Variants in BCAS3 observed in about 807,000 individuals in gnomAD.
The protein encoded by BCAS3 is BCAS4/BCAS3 fusion.
BCAS3 carries 53 observed loss-of-function variants against 116.1 expected under a neutral mutation model. The ratio of observed to expected loss-of-function variants is 0.46; its 90% CI spans 0.37 to 0.57. The LOEUF (loss-of-function observed/expected upper bound fraction) is 0.57, where lower values mean the gene tolerates loss of function less well. Ranked by LOEUF, BCAS3 falls within the 20% of genes least tolerant of loss-of-function variation. The pLI is 0.00. For missense variants in BCAS3, 917 were observed against 1,165.4 expected, an observed-to-expected ratio of 0.79 and a Z score of 3.10; for synonymous variants, 391 against 408.2, an observed-to-expected ratio of 0.96 and a Z score of 0.51.
intron 22 of BCAS3, among the ~76,000 whole-genome samples, chr17:61,195,467 C>T (rs1178908471): frequency 6.6e-6 from 1 of 152,286 alleles, no homozygotes; most frequent in Admixed American, 6.5e-5. Context: ...TCAGGTGATC[C>T]TCCTACCTCA....
chr17:61,073,934 T>A lies in BCAS3; in HGVS notation c.2030-986T>A, dbSNP rs996283618. Among the ~76,000 whole-genome samples the A allele has an allele frequency of 1.3e-5, 2 of 151,816 alleles. No homozygotes were observed. The highest frequency in any genetic ancestry group is 4.8e-5 in the African/African-American group (2 of 41,338). On this transcript the variant is annotated intron_variant, in intron 19 of 23. Coordinates refer to ENST00000407086, the MANE Select transcript of BCAS3 (RefSeq NM_017679.5). This position sits in a 1 kb window ranked among gnomAD's most constrained non-coding sequence, Gnocchi z 4.6. ...CACCAGCCTGGTCAACATTGTGAGATCCTGTCTCTACAAGGAAGAAAATAT... is the reference window on the plus strand; with the variant it reads ...CACCAGCCTGGTCAACATTGTGAGAACCTGTCTCTACAAGGAAGAAAATAT...
intron 5 of BCAS3, among the ~76,000 whole-genome samples, chr17:60,719,445 A>G (rs1372430081): frequency 2.6e-5 from 4 of 152,250 alleles, no homozygotes; most frequent in Non-Finnish European, 5.9e-5. Flanking sequence ...CACTATCATC[A>G]AGACATCCAG....
At chr17:60,872,801 C>A (rs1233936185) in intron 8 of BCAS3, among the ~76,000 whole-genome samples, 1 of 151,122 alleles carries the variant, frequency 6.6e-6, no homozygotes, top group Non-Finnish European at 1.5e-5. Flanking sequence ...ATGTGTATAT[C>A]TGTATGTATA....
chr17:61,019,138 C>T lies in BCAS3; in HGVS notation c.1637+3237C>T, dbSNP rs975692639. 4.6e-5 allele frequency among the ~76,000 whole-genome samples: 7 copies of T among 152,180 alleles called. No homozygotes were observed. Among genetic ancestry groups the T allele is most frequent in the African/African-American group, 1.7e-4 (7 of 41,448 alleles). On this transcript the variant is annotated intron_variant, in intron 16 of 23. Coordinates refer to ENST00000407086, the MANE Select transcript of BCAS3 (RefSeq NM_017679.5). The surrounding 1 kb of genome is among the most constrained non-coding windows in gnomAD (Gnocchi z 5.6). ...CTGGCCTGTTAGGAACTGAGCCGCA[C>T]AGCAGGAGGTGAACAACAGGCGAGT...
rs574627503 is a variant in BCAS3 at position 60,726,634 on chromosome 17, C to T, written c.321+17309C>T. Among the ~76,000 whole-genome samples the T allele has an allele frequency of 4.6e-5, 7 of 152,142 alleles. No individual in the cohort carries two copies. In the South Asian group the frequency reaches 6.2e-4, roughly 14 times the overall value. ...ACGCCATTCTCCTGCCTCAGCCTCC[C>T]GAGTAGCTGGGACTACAGATGCCCG... On this transcript the variant is annotated intron_variant, in intron 5 of 23. Coordinates refer to ENST00000407086, the MANE Select transcript of BCAS3 (RefSeq NM_017679.5).
intron 14 of BCAS3, among the ~76,000 whole-genome samples, chr17:60,987,771 TG>T (rs113010290): frequency 3.3e-5 from 5 of 152,148 alleles, no homozygotes; most frequent in African/African-American, 1.2e-4. Flanking sequence ...TCATATGATC[TG>T]CAAACGAGGC....
chr17:61,371,670 T>A (rs1310982142), intron 23 of BCAS3, among the ~76,000 whole-genome samples: 1 of 152,194 alleles, frequency 6.6e-6, no homozygotes. Context: ...CAAAACACCA[T>A]GTTGTACATG....
intron 13 of BCAS3, among the ~76,000 whole-genome samples, chr17:60,927,726 G>A (rs1209191526): frequency 6.6e-6 from 1 of 152,068 alleles, no homozygotes; most frequent in Non-Finnish European, 1.5e-5. Flanking sequence ...AATCCTATAT[G>A]GAGATGCTAA....
chr17:60,810,468 G>A (rs1280174717), intron 7 of BCAS3: 2 of 665,716 alleles, frequency 3.0e-6, no homozygotes, highest in Non-Finnish European at 2.8e-6. Context: ...CAAGGAGCGT[G>A]GAGACCGGAA....
chr17:61,285,448 C>T lies in BCAS3; in HGVS notation c.2426-82879C>T, dbSNP rs1248525856. ...TTACCTGGCCCTAAAGTGAAAAGCTCTACATGCTTGGTTTGGTTTATCCAT... is the reference window on the plus strand; with the variant it reads ...TTACCTGGCCCTAAAGTGAAAAGCTTTACATGCTTGGTTTGGTTTATCCAT... On this transcript the variant is annotated intron_variant, in intron 22 of 23. Transcript: ENST00000407086. The surrounding 1 kb of genome is among the most constrained non-coding windows in gnomAD (Gnocchi z 5.4). Among the ~76,000 whole-genome samples, 3 of 152,100 alleles carry T rather than the reference C, an allele frequency of 2.0e-5. No individual in the cohort carries two copies. The highest frequency in any genetic ancestry group is 2.9e-5 in the Non-Finnish European group (2 of 68,034).
chr17:60,915,348 CATTCATTGGT>C (rs1436952078), intron 12 of BCAS3, among the ~76,000 whole-genome samples: 1 of 152,132 alleles, frequency 6.6e-6, no homozygotes, highest in African/African-American at 2.4e-5. Context: ...GTTTAACCTG[CATTCATTGGT>C]GTGTTTATGT....
chr17:60,717,910 C>T (rs2038814442), intron 5 of BCAS3, among the ~76,000 whole-genome samples: 1 of 152,188 alleles, frequency 6.6e-6, no homozygotes, highest in Non-Finnish European at 1.5e-5. Context: ...GAGCCCTGAG[C>T]TTGCTTTCCC....
At chr17:60,868,536 T>C (rs773945154) in intron 7 of BCAS3, 40 bp from the exon 8 acceptor site, 1 of 1,331,064 alleles carries the variant, frequency 7.5e-7, no homozygotes, top group South Asian at 1.5e-5. Context: ...GTCTTTCTTT[T>C]TTAAAAAAAT....
At chr17:61,375,079 T>G (rs997228122) in intron 23 of BCAS3, among the ~76,000 whole-genome samples, 2 of 152,244 alleles carry the variant, frequency 1.3e-5, no homozygotes, top group African/African-American at 4.8e-5. Flanking sequence ...GGGCTGCGCC[T>G]TTCTTTTTCT....
At chr17:60,764,133 C>A (rs889215030) in intron 6 of BCAS3, among the ~76,000 whole-genome samples, 2 of 150,276 alleles carry the variant, frequency 1.3e-5, no homozygotes, top group Admixed American at 6.6e-5. Flanking sequence ...GTTATCTTTT[C>A]AAAAAACCAG....
At position 61,171,670 on chromosome 17, in the gene BCAS3, A is replaced by T. The variant is rs1194364889; in HGVS notation, c.2425+87106A>T. On this transcript the variant is annotated intron_variant, in intron 22 of 23. Coordinates refer to ENST00000407086, the MANE Select transcript of BCAS3 (RefSeq NM_017679.5). The surrounding 1 kb of genome is among the most constrained non-coding windows in gnomAD (Gnocchi z 4.1). ...GAAACAGCGTCTGTTGCCAAGGCTG[A>T]TATGCAGTGACATGATTACAGCTCA... Among the ~76,000 whole-genome samples, 2 of 152,040 alleles carry T rather than the reference A, an allele frequency of 1.3e-5. No homozygotes were observed. The highest frequency in any genetic ancestry group is 3.9e-4 in the East Asian group (2 of 5,194).
chr17:61,288,817 C>T (rs1288691725), intron 22 of BCAS3, among the ~76,000 whole-genome samples: 1 of 152,238 alleles, frequency 6.6e-6, no homozygotes, highest in African/African-American at 2.4e-5. Flanking sequence ...TGAGAACCAC[C>T]AAATCCTGGC....
At chr17:60,868,734 T>A in intron 8 of BCAS3, 51 bp downstream of exon 8, 3 of 1,142,606 alleles carry the variant, frequency 2.6e-6, no homozygotes, top group Non-Finnish European at 3.8e-6. Flanking sequence ...CATGCTCTCC[T>A]GGGCATGGAG....
chr17:61,017,783 TA>T lies in BCAS3; in HGVS notation c.1637+1886del. ...GTATTTGAAATTTTCCATAAGAAGA[TA>T]AAATCTCTTGCTTTCTTTCTCTCTC... On this transcript the variant is annotated intron_variant, in intron 16 of 23. Coordinates refer to ENST00000407086, the MANE Select transcript of BCAS3 (RefSeq NM_017679.5). This position sits in a 1 kb window ranked among gnomAD's most constrained non-coding sequence, Gnocchi z 4.7. Among the ~76,000 whole-genome samples, 1 of 152,148 alleles carries T rather than the reference TA, an allele frequency of 6.6e-6. No individual in the cohort carries two copies. Among genetic ancestry groups the T allele is most frequent in the Non-Finnish European group, 1.5e-5 (1 of 67,984 alleles).
Sources: gnomAD v4.1 joint callset for allele counts (sites outside exome capture counted in the v4.1 genomes callset) on GRCh38, gnomAD v4.1.1 for gene constraint, Gnocchi (gnomAD v3.1) non-coding constraint, MANE v1.5 for transcripts, NCBI Gene and HGNC (gene_info 2026-07-23, HGNC 2026-07-21) for gene names.